GTF2H1: variants seen among roughly 807,000 people sequenced by gnomAD.
The protein encoded by GTF2H1 is BTF2 p62.
Under a neutral mutation model 71.2 loss-of-function variants are expected in GTF2H1, and 16 were observed. The ratio of observed to expected loss-of-function variants is 0.22; its 90% CI spans 0.15 to 0.34. The LOEUF is 0.34. GTF2H1 is among the 10% of genes least tolerant of loss of function. GTF2H1 has a pLI of 1.00. For missense variants in GTF2H1, 498 were observed against 648.2 expected, an observed-to-expected ratio of 0.77 and a Z score of 2.52; for synonymous variants, 215 against 219.0, an observed-to-expected ratio of 0.98 and a Z score of 0.16.
Position 18,347,510 on chromosome 11 carries a change from A to T in GTF2H1, c.838-78A>T, listed in dbSNP as rs1027761794. On this transcript the variant is annotated intron_variant, in intron 7 of 14. Transcript: ENST00000265963. The stretch of plus-strand genomic sequence containing the variant: ...TAATAAAAGTCCCATCATCCAGCAA[A>T]TTTTTTCAGCTAAGCGTGTCTTATA... 5.7e-6 allele frequency: 6 copies of T among 1,060,368 alleles called. No homozygotes were observed. In the Admixed American group the frequency reaches 1.9e-4, roughly 34 times the overall value. The allele number at this position is 1,060,368 out of a possible 1,614,324, so 65.7% of individuals were successfully genotyped here. A position where few individuals can be genotyped will look rare whatever the true frequency, so the allele number is the denominator to read the frequency against.
intron 8 of GTF2H1, 28 bp from the exon 9 acceptor site, chr11:18,347,804 T>A: frequency 6.3e-7 from 1 of 1,595,014 alleles, no homozygotes; most frequent in South Asian, 1.1e-5. Flanking sequence ...GTTTTTAACG[T>A]TAACTTTTTT....
At chr11:18,359,689 C>T (rs959223968) in intron 13 of GTF2H1, among the ~76,000 whole-genome samples, 3 of 152,060 alleles carry the variant, frequency 2.0e-5, no homozygotes, top group Admixed American at 6.6e-5. Context: ...TATATTCATA[C>T]GTTGAAAGAC....
At chr11:18,325,050 G>A (rs996704650) in intron 1 of GTF2H1, among the ~76,000 whole-genome samples, 9 of 152,132 alleles carry the variant, frequency 5.9e-5, no homozygotes, top group African/African-American at 2.2e-4. Flanking sequence ...CTTTTGGATT[G>A]CTTGATGGCA....
chr11:18,362,676 T>C (rs1053038178), intron 14 of GTF2H1, among the ~76,000 whole-genome samples: 85 of 144,902 alleles, frequency 5.9e-4, no homozygotes, highest in East Asian at 7.8e-4. Context: ...TTCTTTTTTT[T>C]TTTTTTTTTT....
intron 11 of GTF2H1, among the ~76,000 whole-genome samples, chr11:18,354,155 T>G (rs1227919445): frequency 6.6e-6 from 1 of 152,256 alleles, no homozygotes; most frequent in Non-Finnish European, 1.5e-5. Flanking sequence ...TTACCTAATG[T>G]TTCCTCATGA....
Position 18,327,022 on chromosome 11 carries a change from C to T in GTF2H1, c.-16+4282C>T, listed in dbSNP as rs887932328. Among the ~76,000 whole-genome samples the T allele has an allele frequency of 1.8e-4, 27 of 152,004 alleles. 1 individual carries two copies. The highest frequency in any genetic ancestry group is 6.0e-4 in the African/African-American group (25 of 41,474). Reference sequence around the variant, plus strand: ...AAAAAAAATAGAAAAATTAGCTGGGCGTGGTGGCAGATGCCTATAATCCCA... The same window carrying T: ...AAAAAAAATAGAAAAATTAGCTGGGTGTGGTGGCAGATGCCTATAATCCCA... On this transcript the variant is annotated intron_variant, in intron 1 of 14. Transcript: ENST00000265963.
At chr11:18,336,262 G>A (rs1362423075) in intron 3 of GTF2H1, among the ~76,000 whole-genome samples, 1 of 151,894 alleles carries the variant, frequency 6.6e-6, no homozygotes, top group Non-Finnish European at 1.5e-5. Context: ...GAGTAGCTGG[G>A]ACTACAGGCA....
chr11:18,350,915 GAATA>G (rs1038479469), intron 9 of GTF2H1, among the ~76,000 whole-genome samples: 9 of 152,148 alleles, frequency 5.9e-5, no homozygotes, highest in African/African-American at 1.2e-4. Flanking sequence ...TAAAATTAAT[GAATA>G]AAATTACTAA....
intron 13 of GTF2H1, 119 bp from the exon 14 acceptor site, chr11:18,360,495 TA>T: frequency 1.8e-6 from 1 of 541,826 alleles, no homozygotes; most frequent in South Asian, 2.7e-5. Context: ...ATTTTTATTT[TA>T]TTTTTACATT....
chr11:18,334,661 G>C (rs1416057542), intron 2 of GTF2H1, among the ~76,000 whole-genome samples: 1 of 152,142 alleles, frequency 6.6e-6, no homozygotes, highest in African/African-American at 2.4e-5. Flanking sequence ...GTTTCAAGTT[G>C]AATATTTGAA....
At chr11:18,342,414 A>C (rs1041821449) in intron 7 of GTF2H1, among the ~76,000 whole-genome samples, 1 of 151,672 alleles carries the variant, frequency 6.6e-6, no homozygotes, top group Non-Finnish European at 1.5e-5. Flanking sequence ...GGCACGTGCC[A>C]CCACACCCAG....
rs4150608 is a variant in GTF2H1 at position 18,342,356 on chromosome 11, A to C, written c.837+749A>C. On this transcript the variant is annotated intron_variant, in intron 7 of 14. Transcript: ENST00000265963. ...GGCTCACTGCAACCTCTGCCTCCCA[A>C]GTTAAAGCCATTCTCCTGCCTCAGC... Among the ~76,000 whole-genome samples, 41 of 143,208 alleles carry C rather than the reference A, an allele frequency of 2.9e-4. No homozygotes were observed. In the East Asian group the frequency reaches 6.9e-3, roughly 24 times the overall value. The allele number at this position is 143,208 out of a possible 152,430, so 94.0% of individuals were successfully genotyped here.
At chr11:18,337,658 T>G (rs901052234) in intron 3 of GTF2H1, among the ~76,000 whole-genome samples, 2 of 151,834 alleles carry the variant, frequency 1.3e-5, no homozygotes, top group African/African-American at 4.8e-5. Context: ...ACTATTTACC[T>G]TGTATTTGAT....
chr11:18,354,398 C>T (rs554433998), intron 11 of GTF2H1, among the ~76,000 whole-genome samples: 24 of 152,220 alleles, frequency 1.6e-4, no homozygotes, highest in Non-Finnish European at 3.4e-4. Context: ...TATATAAATA[C>T]CCCATTTGTC....
intron 14 of GTF2H1, among the ~76,000 whole-genome samples, chr11:18,364,948 G>A (rs1469122234): frequency 6.6e-6 from 1 of 151,800 alleles, no homozygotes; most frequent in Non-Finnish European, 1.5e-5. Flanking sequence ...GTATATACGG[G>A]GCTGGGCACA....
At chr11:18,337,171 G>T (rs977011359) in intron 3 of GTF2H1, among the ~76,000 whole-genome samples, 3 of 152,174 alleles carry the variant, frequency 2.0e-5, no homozygotes, top group African/African-American at 7.2e-5. Context: ...GCTCATGCCT[G>T]TAGTCTCAGC....
rs1229561149 is a variant in GTF2H1, at chr11:18,351,913, C to T, written c.1086C>T (p.Asp362=). The change falls in exon 10 of 15, where the codon GAC becomes GAT. Residue 362 remains aspartate (D), a synonymous_variant. Coordinates refer to ENST00000265963, the MANE Select transcript of GTF2H1 (RefSeq NM_005316.4). ...AKLQESIEYE[D]LGKNNSVKTI... ...TACAAGAGTCCATTGAATATGAAGA[C>T]TTGGGGAAAAATAATTCTGTAAAAA... 8 of 1,593,076 alleles carry T rather than the reference C, an allele frequency of 5.0e-6. No individual in the cohort carries two copies. Among genetic ancestry groups the T allele is most frequent in the Non-Finnish European group, 6.9e-6 (8 of 1,161,346 alleles).
rs1328653179 is a variant in GTF2H1, at chr11:18,347,569, A to T, written c.838-19A>T. 1 of 1,532,224 alleles carries T rather than the reference A, an allele frequency of 6.5e-7. No homozygotes were observed. Among genetic ancestry groups the T allele is most frequent in the Non-Finnish European group, 8.8e-7 (1 of 1,139,940 alleles). 94.9% of individuals were successfully genotyped at this position (1,532,224 alleles called of 1,614,324 possible). A position where few individuals can be genotyped will look rare whatever the true frequency, so the allele number is the denominator to read the frequency against. ...AGCAGAACCTTTTTAAAAAATTTTT[A>T]ATCTATTATTTCTCACAGGGCTATG... On this transcript the variant is annotated intron_variant, in intron 7 of 14. Coordinates refer to ENST00000265963, the MANE Select transcript of GTF2H1 (RefSeq NM_005316.4).
chr11:18,337,649 CTATT>C (rs1286455194), intron 3 of GTF2H1, among the ~76,000 whole-genome samples: 3 of 151,796 alleles, frequency 2.0e-5, no homozygotes, highest in African/African-American at 4.8e-5. Flanking sequence ...AAAAATATAA[CTATT>C]TACCTTGTAT....
Sources: gnomAD v4.1 joint callset for allele counts (sites outside exome capture counted in the v4.1 genomes callset) on GRCh38, gnomAD v4.1.1 for gene constraint, MANE v1.5 for transcripts, NCBI Gene and HGNC (gene_info 2026-07-23, HGNC 2026-07-21) for gene names.